Variants in VSTM4 observed in about 807,000 individuals in gnomAD.
VSTM4 encodes the protein V-set and transmembrane domain containing 4, also known as V-set and transmembrane domain-containing protein 4.
In VSTM4, 20 loss-of-function variants were observed where a neutral mutation model predicts 36.4. The observed-to-expected ratio is 0.55, with a 90% CI of 0.39 to 0.80. VSTM4 has a LOEUF of 0.80. Among genes scored for constraint, VSTM4 ranks in the 30% least tolerant of loss-of-function variants. The probability of loss-of-function intolerance (pLI) is 0.00; values close to 1 mark genes in which losing one functional copy is unlikely to be tolerated. For missense variants in VSTM4, 392 were observed against 404.5 expected (o/e 0.97, Z 0.26); for synonymous variants, 182 against 173.9 (o/e 1.05, Z -0.37).
intron 1 of VSTM4, among the ~76,000 whole-genome samples, chr10:49,109,398 T>C (rs1844852025): frequency 6.6e-6 from 1 of 152,202 alleles, no homozygotes. Context: ...TATTCTTCAT[T>C]GTAAAAATCC....
At chr10:49,112,000 C>T (rs1844903104) in intron 1 of VSTM4, among the ~76,000 whole-genome samples, 1 of 152,106 alleles carries the variant, frequency 6.6e-6, no homozygotes, top group Non-Finnish European at 1.5e-5. Context: ...AAGGAGGGAG[C>T]CCCACCTCTG....
At position 49,107,875 on chromosome 10, in the gene VSTM4, G is replaced by T. The variant is rs528257279; in HGVS notation, c.176C>A (p.Ala59Asp). ...SQKRRKDSLLAVRWFFAHSFD... is the reference protein window; with the variant it reads ...SQKRRKDSLLDVRWFFAHSFD... ...GGAGTGTGCAAAGAACCAGCGCACG[G>T]CCAGCAAGCTGTCCTTCCGCCTTTT... Residue 59 changes from alanine to aspartate, a missense_variant, in exon 2 of 8, where the codon GCC becomes GAC. Transcript: ENST00000332853. 6 of 1,614,222 alleles carry T rather than the reference G, an allele frequency of 3.7e-6. No individual in the cohort carries two copies. The highest frequency in any genetic ancestry group is 1.7e-5 in the Admixed American group (1 of 60,034).
At chr10:49,072,753 T>C (rs1303573459) in intron 4 of VSTM4, among the ~76,000 whole-genome samples, 1 of 152,204 alleles carries the variant, frequency 6.6e-6, no homozygotes, top group African/African-American at 2.4e-5. Flanking sequence ...CCTGCTGTCC[T>C]ATTTGTCTCA....
In VSTM4 at chr10:49,048,623, T is replaced by C. The variant is rs368400022; in HGVS notation, c.669-39A>G. On this transcript the variant is annotated intron_variant, in intron 5 of 7. Transcript: ENST00000332853. ...AGTTTCCAGTGAAACCAAAGGCAGA[T>C]TTGTTGCAAAAGAGAAAGGAAAAAA... 7.1e-6 allele frequency: 11 copies of C among 1,550,528 alleles called. No homozygotes were observed. In the African/African-American group the frequency reaches 1.1e-4, roughly 16 times the overall value.
chr10:49,088,072 T>G (rs1308968113), intron 2 of VSTM4, among the ~76,000 whole-genome samples: 3 of 151,228 alleles, frequency 2.0e-5, no homozygotes, highest in Non-Finnish European at 4.4e-5. Context: ...TGTAGATATG[T>G]GAATCAGAAA....
At chr10:49,069,667 C>T (rs1452012095) in intron 4 of VSTM4, among the ~76,000 whole-genome samples, 3 of 152,202 alleles carry the variant, frequency 2.0e-5, no homozygotes, top group Non-Finnish European at 4.4e-5. Context: ...CCTGCCTGGA[C>T]AACCTTCCAG....
intron 2 of VSTM4, among the ~76,000 whole-genome samples, chr10:49,093,722 T>C (rs1387225054): frequency 6.6e-6 from 1 of 151,010 alleles, no homozygotes; most frequent in Admixed American, 6.6e-5. Flanking sequence ...TCTTGGCCCA[T>C]AGTTCAAGTC....
intron 7 of VSTM4, among the ~76,000 whole-genome samples, chr10:49,022,495 C>T (rs1168915851): frequency 6.6e-6 from 1 of 152,102 alleles, no homozygotes; most frequent in African/African-American, 2.4e-5. Flanking sequence ...AAGCCAGCAC[C>T]TCTGCTGGGG....
intron 2 of VSTM4, among the ~76,000 whole-genome samples, chr10:49,096,612 C>T (rs1430232639): frequency 7.4e-6 from 1 of 135,066 alleles, no homozygotes; most frequent in Non-Finnish European, 1.5e-5. Context: ...GTTGAAAAGC[C>T]ATTGAAGACC....
At chr10:49,050,267 G>T (rs1843676929) in intron 5 of VSTM4, among the ~76,000 whole-genome samples, 1 of 152,130 alleles carries the variant, frequency 6.6e-6, no homozygotes, top group African/African-American at 2.4e-5. Flanking sequence ...ACATAAAGAA[G>T]CTCCAGAAAT....
intron 5 of VSTM4, among the ~76,000 whole-genome samples, chr10:49,055,512 A>T (rs1199922184): frequency 6.6e-6 from 1 of 152,198 alleles, no homozygotes; most frequent in East Asian, 1.9e-4. Flanking sequence ...CCATCTTTTA[A>T]AGTAAAATGA....
rs1392273632 is a variant in VSTM4 at position 49,038,843 on chromosome 10, T to C, written c.837+8140A>G. Among the ~76,000 whole-genome samples, 4 of 151,956 alleles carry C rather than the reference T, an allele frequency of 2.6e-5. 1 individual carries two copies. The highest frequency in any genetic ancestry group is 9.7e-5 in the African/African-American group (4 of 41,436). On this transcript the variant is annotated intron_variant, in intron 7 of 7. Transcript: ENST00000332853. ...GCTGCACAGATGGCTGCTGTGCCTGTGAATGTCAAGGAGAAGACAGCCCAA... is the reference window on the plus strand; with the variant it reads ...GCTGCACAGATGGCTGCTGTGCCTGCGAATGTCAAGGAGAAGACAGCCCAA...
intron 1 of VSTM4, among the ~76,000 whole-genome samples, chr10:49,108,470 G>A (rs1398904249): frequency 6.6e-6 from 1 of 152,162 alleles, no homozygotes; most frequent in Non-Finnish European, 1.5e-5. Context: ...GAGCCGCCCT[G>A]GAGCAGGGCA....
intron 7 of VSTM4, among the ~76,000 whole-genome samples, chr10:49,028,925 T>G (rs1843303863): frequency 6.6e-6 from 1 of 152,234 alleles, no homozygotes. Flanking sequence ...CAGGAATCTA[T>G]TTACCCATGA....
At chr10:49,069,456 T>G (rs775059955) in intron 4 of VSTM4, among the ~76,000 whole-genome samples, 6 of 152,214 alleles carry the variant, frequency 3.9e-5, no homozygotes, top group Admixed American at 6.5e-5. Context: ...AGGACCACAG[T>G]ACTCTCCCCA....
intron 4 of VSTM4, among the ~76,000 whole-genome samples, chr10:49,074,153 A>C (rs1222099429): frequency 6.6e-6 from 1 of 152,224 alleles, no homozygotes; most frequent in East Asian, 1.9e-4. Context: ...TCTTCTCTGA[A>C]ATTCACACTG....
At chr10:49,021,547 G>A (rs1342121242) in intron 7 of VSTM4, among the ~76,000 whole-genome samples, 1 of 152,068 alleles carries the variant, frequency 6.6e-6, no homozygotes, top group East Asian at 1.9e-4. Flanking sequence ...TCTGGCAAAG[G>A]ACAACAGACA....
At chr10:49,022,195 T>C (rs60282422) in intron 7 of VSTM4, among the ~76,000 whole-genome samples, 5,574 of 152,308 alleles carry the variant, frequency 0.037, 293 homozygotes, top group African/African-American at 0.11. Flanking sequence ...CATGAATTTA[T>C]AGTCACACAG....
chr10:49,039,678 G>A (rs546664486), intron 7 of VSTM4, among the ~76,000 whole-genome samples: 6 of 152,204 alleles, frequency 3.9e-5, no homozygotes, highest in Middle Eastern at 3.4e-3. Context: ...GGTTGATGAC[G>A]AGGCATGGAA....
Sources: allele counts gnomAD v4.1 joint callset (sites outside exome capture counted in the v4.1 genomes callset), GRCh38; gene constraint gnomAD v4.1.1; transcripts MANE v1.5; gene names NCBI Gene and HGNC (gene_info 2026-07-23, HGNC 2026-07-21).